The following KCNIP4 variants were observed in gnomAD, a reference collection of about 807,000 sequenced individuals.
The protein encoded by KCNIP4 is potassium voltage-gated channel interacting protein 4.
A neutral mutation model predicts 34.0 loss-of-function variants in KCNIP4; 12 were observed. The ratio of observed to expected loss-of-function variants is 0.35; its 90% confidence interval spans 0.23 to 0.57. KCNIP4 has a LOEUF of 0.57. Ranked by LOEUF, KCNIP4 falls within the 20% of genes least tolerant of loss-of-function variation. The probability of loss-of-function intolerance (pLI) is 0.83; values close to 1 mark genes in which losing one functional copy is unlikely to be tolerated. For synonymous variants in KCNIP4, 124 were observed against 102.2 expected, an observed-to-expected ratio of 1.21 and a Z score of -1.29; for missense variants, 238 against 311.7, an observed-to-expected ratio of 0.76 and a Z score of 1.78.
chr4:21,801,090 G>C (rs1720963383), intron 1 of KCNIP4, among the ~76,000 whole-genome samples: 1 of 152,128 alleles, frequency 6.6e-6, no homozygotes, highest in Non-Finnish European at 1.5e-5. Flanking sequence ...GGAAACTAAG[G>C]TTCAGAGACT....
rs556097615 is a variant in KCNIP4, at chr4:21,564,798, A to G, written c.61+383773T>C. 1.2e-4 allele frequency among the ~76,000 whole-genome samples: 19 copies of G among 152,170 alleles called. 1 individual carries two copies. Among genetic ancestry groups the G allele is most frequent in the African/African-American group, 4.6e-4 (19 of 41,522 alleles). ...GGGAAAAAGGAGCTAGTGTGTGCAG[A>G]GGTGACGCAGTGAGAGAGGAAGCAA... On this transcript the variant is annotated intron_variant, in intron 1 of 8. Coordinates refer to ENST00000382152, the MANE Select transcript of KCNIP4 (RefSeq NM_025221.6).
chr4:21,329,787 G>A (rs376734628), intron 1 of KCNIP4, among the ~76,000 whole-genome samples: 2 of 152,144 alleles, frequency 1.3e-5, no homozygotes, highest in Non-Finnish European at 2.9e-5. Context: ...AAAGATTATC[G>A]AAGAGGGTGA....
intron 1 of KCNIP4, among the ~76,000 whole-genome samples, chr4:21,895,103 G>C (rs1253165989): frequency 6.6e-6 from 1 of 152,152 alleles, no homozygotes; most frequent in Non-Finnish European, 1.5e-5. Flanking sequence ...TGAATCAGTT[G>C]GACAATTTTG....
At chr4:21,838,606 G>A (rs1393455995) in intron 1 of KCNIP4, among the ~76,000 whole-genome samples, 4 of 151,996 alleles carry the variant, frequency 2.6e-5, no homozygotes, top group East Asian at 3.8e-4. Flanking sequence ...TTATGAATTC[G>A]TATTGGGCTA....
At chr4:20,857,996 G>A (rs1229877581) in intron 2 of KCNIP4, among the ~76,000 whole-genome samples, 1 of 151,796 alleles carries the variant, frequency 6.6e-6, no homozygotes, top group East Asian at 1.9e-4. Flanking sequence ...ATCACCTGAG[G>A]TCAGAATTCG....
At chr4:21,630,195 G>T (rs868299289) in intron 1 of KCNIP4, among the ~76,000 whole-genome samples, 1 of 151,470 alleles carries the variant, frequency 6.6e-6, no homozygotes, top group African/African-American at 2.4e-5. Flanking sequence ...CCTTCAGCGC[G>T]GTGGCTCATG....
At chr4:21,013,923 C>A (rs959569280) in intron 1 of KCNIP4, among the ~76,000 whole-genome samples, 1 of 152,106 alleles carries the variant, frequency 6.6e-6, no homozygotes, top group Non-Finnish European at 1.5e-5. Flanking sequence ...TTCCATAGTA[C>A]TCTGCTGTCC....
chr4:20,734,447 T>A (rs1274384839), intron 6 of KCNIP4, among the ~76,000 whole-genome samples, 181 bp downstream of exon 6: 1 of 152,254 alleles, frequency 6.6e-6, no homozygotes, highest in Non-Finnish European at 1.5e-5. Flanking sequence ...ATATTTACTT[T>A]GGAGCTTCAC....
intron 1 of KCNIP4, among the ~76,000 whole-genome samples, chr4:21,658,392 T>C (rs61060059): frequency 0.016 from 2,418 of 152,186 alleles, 66 homozygotes; most frequent in African/African-American, 0.055. Flanking sequence ...TCACATCACA[T>C]CACATCACAT....
At position 20,803,715 on chromosome 4, in the gene KCNIP4, G is replaced by A. The variant is rs1714676752; in HGVS notation, c.289-44825C>T. Among the ~76,000 whole-genome samples the A allele has an allele frequency of 1.5e-4, 18 of 118,306 alleles. No homozygotes were observed. The South Asian group carries it at 6.2e-3, about 41-fold the overall frequency. The allele number at this position is 118,306 out of a possible 152,430, so 77.6% of individuals were successfully genotyped here. On this transcript the variant is annotated intron_variant, in intron 3 of 8. Transcript: ENST00000382152. ...AGAGAGAGAGAGAAAGAGAGAGAGA[G>A]AGAGAGAGAGAGAGGAAGGAAGGAA... is the stretch of plus-strand genomic sequence containing the variant.
At chr4:21,445,915 A>G (rs1452386733) in intron 1 of KCNIP4, among the ~76,000 whole-genome samples, 3 of 152,226 alleles carry the variant, frequency 2.0e-5, no homozygotes, top group Admixed American at 6.5e-5. Context: ...AAGAACTCCA[A>G]CAAATTTACA....
At chr4:20,943,562 C>T (rs972989088) in intron 1 of KCNIP4, among the ~76,000 whole-genome samples, 3 of 152,202 alleles carry the variant, frequency 2.0e-5, no homozygotes, top group Middle Eastern at 6.8e-3. Flanking sequence ...AAATTTAATC[C>T]TCCTAATAAT....
At chr4:21,635,044 T>G (rs1304898981) in intron 1 of KCNIP4, among the ~76,000 whole-genome samples, 1 of 152,200 alleles carries the variant, frequency 6.6e-6, no homozygotes, top group Admixed American at 6.5e-5. Flanking sequence ...CTGGGAAAGT[T>G]AGTCATCTAA....
intron 1 of KCNIP4, among the ~76,000 whole-genome samples, chr4:20,950,693 C>T (rs1196327077): frequency 6.6e-6 from 1 of 151,928 alleles, no homozygotes; most frequent in African/African-American, 2.4e-5. Context: ...AATGTAGAAG[C>T]CAATGAGATT....
In KCNIP4 at chr4:21,582,781, C is replaced by T. The variant is rs377409357; in HGVS notation, c.61+365790G>A. ...CTGGACACAATGCATGCAAACAGGACATCTGGAATGAAAATGCACCCTCCT... is the reference window on the plus strand; with the variant it reads ...CTGGACACAATGCATGCAAACAGGATATCTGGAATGAAAATGCACCCTCCT... On this transcript the variant is annotated intron_variant, in intron 1 of 8. Coordinates refer to ENST00000382152, the MANE Select transcript of KCNIP4 (RefSeq NM_025221.6). Among the ~76,000 whole-genome samples the T allele has an allele frequency of 4.0e-5, 6 of 151,830 alleles. No homozygotes were observed. The East Asian group carries it at 1.2e-3, about 29-fold the overall frequency.
In KCNIP4 at chr4:21,475,521, C is replaced by T. The variant is rs1730878509; in HGVS notation, c.61+473050G>A. ...TACGGGTCAAAATGTTGTCATTTGA[C>T]ATTAACCATTATTTAACCAATGTCC... is the stretch of plus-strand genomic sequence containing the variant. On this transcript the variant is annotated intron_variant, in intron 1 of 8. Transcript: ENST00000382152. Among the ~76,000 whole-genome samples the T allele has an allele frequency of 2.0e-5, 3 of 152,162 alleles. No homozygotes were observed. The South Asian group carries it at 6.2e-4, about 32-fold the overall frequency.
intron 1 of KCNIP4, among the ~76,000 whole-genome samples, chr4:21,107,876 T>A (rs1748730377): frequency 6.6e-6 from 1 of 151,328 alleles, no homozygotes; most frequent in South Asian, 2.1e-4. Flanking sequence ...TTTGGCTGGA[T>A]ATGAAATTCT....
chr4:21,711,207 C>T (rs957336804), intron 1 of KCNIP4, among the ~76,000 whole-genome samples: 5 of 152,168 alleles, frequency 3.3e-5, no homozygotes, highest in African/African-American at 9.7e-5. Context: ...GACACAGTGG[C>T]TCACGCCTGT....
At chr4:21,720,165 T>C (rs1577899917) in intron 1 of KCNIP4, among the ~76,000 whole-genome samples, 1 of 152,036 alleles carries the variant, frequency 6.6e-6, no homozygotes, top group East Asian at 1.9e-4. Context: ...TCTTAAAGGC[T>C]CCATTGAAAC....
Sources: gnomAD v4.1 joint callset for allele counts (sites outside exome capture counted in the v4.1 genomes callset) on GRCh38, gnomAD v4.1.1 for gene constraint, MANE v1.5 for transcripts, NCBI Gene and HGNC (gene_info 2026-07-23, HGNC 2026-07-21) for gene names.